The following SRRM4 variants were observed in gnomAD, a reference collection of about 807,000 sequenced individuals.
The protein encoded by SRRM4 is serine/arginine repetitive matrix 4.
In SRRM4, 33 loss-of-function variants were observed where a neutral mutation model predicts 68.9. The observed-to-expected ratio is 0.48, with a 90% confidence interval of 0.36 to 0.64. The LOEUF (loss-of-function observed/expected upper bound fraction) is 0.64, where lower values mean the gene tolerates loss of function less well. Ranked by LOEUF, SRRM4 falls within the 30% of genes least tolerant of loss-of-function variation. The pLI is 0.00. For missense variants in SRRM4, 817 were observed against 827.1 expected, an observed-to-expected ratio of 0.99 and a Z score of 0.15; for synonymous variants, 318 against 318.8, an observed-to-expected ratio of 1.00 and a Z score of 0.03.
At chr12:119,110,474 C>T (rs1367287594) in intron 2 of SRRM4, among the ~76,000 whole-genome samples, 2 of 152,232 alleles carry the variant, frequency 1.3e-5, no homozygotes, top group Admixed American at 1.3e-4. Flanking sequence ...TAGGCTCCAC[C>T]TAGTTTGAGC....
At chr12:119,038,846 C>T (rs1208847884) in intron 1 of SRRM4, among the ~76,000 whole-genome samples, 1 of 152,160 alleles carries the variant, frequency 6.6e-6, no homozygotes, top group Admixed American at 6.5e-5. Context: ...ATGATCCTCC[C>T]TCACTGTTCC....
intron 1 of SRRM4, among the ~76,000 whole-genome samples, chr12:119,075,541 AATGATGGTGATG>A (rs1374802899): frequency 3.3e-5 from 4 of 120,448 alleles, no homozygotes; most frequent in Non-Finnish European, 7.1e-5. Context: ...TAATGGTAGC[AATGATGGTGATG>A]ATGATGGTGA....
Position 119,130,666 on chromosome 12 carries a change from C to T in SRRM4, c.615-12C>T. 1 of 1,606,838 alleles carries T rather than the reference C, an allele frequency of 6.2e-7. No homozygotes were observed. Among genetic ancestry groups the T allele is most frequent in the Non-Finnish European group, 8.5e-7 (1 of 1,177,184 alleles). On this transcript the variant is annotated splice_polypyrimidine_tract_variant and intron_variant, in intron 7 of 12. Transcript: ENST00000267260. ...TTCAAAAGACCCTCAGGTCTCTCTC[C>T]CCCATCCCCAGGCACCGCGGCCGGT...
chr12:119,080,010 G>C (rs1217195749), intron 1 of SRRM4, among the ~76,000 whole-genome samples: 1 of 151,910 alleles, frequency 6.6e-6, no homozygotes, highest in Admixed American at 6.6e-5. Context: ...CCCGAATTCA[G>C]CTACCGGTGC....
rs141276700 is a variant in SRRM4 at position 119,059,863 on chromosome 12, C to G, written c.132-42373C>G. On this transcript the variant is annotated intron_variant, in intron 1 of 12. Coordinates refer to ENST00000267260, the MANE Select transcript of SRRM4 (RefSeq NM_194286.4). ...CCCTCAAGCAAACCAGATTTCAAGA[C>G]TGAAATGTCCAGAATCTCTGGGGAA... Among the ~76,000 whole-genome samples, 151 of 152,290 alleles carry G rather than the reference C, an allele frequency of 9.9e-4. 1 individual carries two copies. Among genetic ancestry groups the G allele is most frequent in the African/African-American group, 3.5e-3 (147 of 41,572 alleles).
At chr12:119,110,117 A>G (rs1338445622) in intron 2 of SRRM4, among the ~76,000 whole-genome samples, 1 of 152,202 alleles carries the variant, frequency 6.6e-6, no homozygotes, top group East Asian at 1.9e-4. Context: ...CCTGGGTATC[A>G]CCAGCGGAGG....
chr12:119,091,354 T>C (rs1297113276), intron 1 of SRRM4, among the ~76,000 whole-genome samples: 2 of 152,046 alleles, frequency 1.3e-5, no homozygotes, highest in Non-Finnish European at 2.9e-5. Flanking sequence ...AGCTTGGTGG[T>C]AGGAAGCCAA....
intron 1 of SRRM4, among the ~76,000 whole-genome samples, chr12:119,058,090 T>G (rs577886448): frequency 1.3e-5 from 2 of 152,216 alleles, no homozygotes; most frequent in Non-Finnish European, 2.9e-5. Flanking sequence ...GCAAAGCATG[T>G]AACTGCCTCA....
intron 8 of SRRM4, among the ~76,000 whole-genome samples, chr12:119,137,891 G>A (rs1050515370): frequency 7.2e-5 from 11 of 152,060 alleles, no homozygotes; most frequent in Non-Finnish European, 1.6e-4. Context: ...TAAAAAGGTC[G>A]AGATGGGAGA....
intron 8 of SRRM4, among the ~76,000 whole-genome samples, 166 bp downstream of exon 8, chr12:119,131,000 C>G (rs1038956290): frequency 1.3e-5 from 2 of 152,196 alleles, no homozygotes; most frequent in African/African-American, 4.8e-5. Context: ...ATTCACCAGA[C>G]TTTGGCAACA....
At chr12:119,057,093 A>T (rs1953781449) in intron 1 of SRRM4, among the ~76,000 whole-genome samples, 1 of 152,268 alleles carries the variant, frequency 6.6e-6, no homozygotes, top group African/African-American at 2.4e-5. Flanking sequence ...AGAACATAAA[A>T]GAAATGAAAC....
intron 1 of SRRM4, among the ~76,000 whole-genome samples, chr12:119,057,802 ACT>A (rs1953786622): frequency 6.6e-6 from 1 of 151,938 alleles, no homozygotes; most frequent in African/African-American, 2.4e-5. Context: ...ACTAATTTAC[ACT>A]CTCATCAGCA....
chr12:119,072,320 C>T (rs956189347), intron 1 of SRRM4, among the ~76,000 whole-genome samples: 1 of 152,188 alleles, frequency 6.6e-6, no homozygotes, highest in Non-Finnish European at 1.5e-5. Flanking sequence ...CATAGAACCT[C>T]GGAGGTAGCT....
intron 1 of SRRM4, among the ~76,000 whole-genome samples, chr12:119,068,899 G>A (rs1375479331): frequency 2.0e-5 from 3 of 152,104 alleles, no homozygotes; most frequent in African/African-American, 4.8e-5. Flanking sequence ...GGAGGGGAGG[G>A]CGACGAGTGA....
At chr12:119,078,768 T>A (rs1826699174) in intron 1 of SRRM4, among the ~76,000 whole-genome samples, 1 of 152,028 alleles carries the variant, frequency 6.6e-6, no homozygotes, top group Non-Finnish European at 1.5e-5. Context: ...AAAAAAAATT[T>A]AAAATTCAAA....
intron 4 of SRRM4, among the ~76,000 whole-genome samples, 195 bp from the exon 5 acceptor site, chr12:119,120,055 C>T (rs1424455006): frequency 2.9e-5 from 4 of 136,708 alleles, no homozygotes; most frequent in Non-Finnish European, 6.3e-5. Flanking sequence ...ACCTTCATAC[C>T]AGGAAAAAAA....
chr12:119,052,732 GT>G (rs1203584491), intron 1 of SRRM4, among the ~76,000 whole-genome samples: 1 of 152,078 alleles, frequency 6.6e-6, no homozygotes, highest in Non-Finnish European at 1.5e-5. Flanking sequence ...GTTTCACCGT[GT>G]TAGCCAGAAT....
rs192121864 is a variant in SRRM4 at position 119,113,789 on chromosome 12, G to C, written c.279-489G>C. Among the ~76,000 whole-genome samples the C allele has an allele frequency of 1.7e-3, 262 of 152,252 alleles. 1 individual carries two copies. The highest frequency in any genetic ancestry group is 5.7e-3 in the African/African-American group (235 of 41,526). On this transcript the variant is annotated intron_variant, in intron 2 of 12. Transcript: ENST00000267260. ...GAAGAGCGGAGGTTTTTGAGGTTCT[G>C]CGAGGCAATATAAGATACGTATCTC...
intron 1 of SRRM4, among the ~76,000 whole-genome samples, chr12:119,017,718 G>T (rs959504387): frequency 3.3e-5 from 5 of 152,122 alleles, no homozygotes; most frequent in African/African-American, 1.2e-4. Context: ...CTTTGGGGAG[G>T]GGTCCGTCTC....
Sources: allele counts gnomAD v4.1 joint callset (sites outside exome capture counted in the v4.1 genomes callset), GRCh38; gene constraint gnomAD v4.1.1; transcripts MANE v1.5; gene names NCBI Gene and HGNC (gene_info 2026-07-23, HGNC 2026-07-21).